TENM2: variants seen among roughly 807,000 people sequenced by gnomAD.
The protein encoded by TENM2 is teneurin-2.
In TENM2, 52 loss-of-function variants were observed where a neutral mutation model predicts 245.2. That is an observed-to-expected ratio of 0.21 (90% CI 0.17 to 0.27). The LOEUF (loss-of-function observed/expected upper bound fraction) is 0.27. Among genes scored for constraint, TENM2 ranks in the 10% least tolerant of loss-of-function variants. The probability of loss-of-function intolerance (pLI) is 1.00; values close to 1 mark genes in which losing one functional copy is unlikely to be tolerated. For synonymous variants in TENM2, 1,363 were observed against 1,438.9 expected (o/e 0.95, Z 1.19); for missense variants, 3,046 against 3,666.8 (o/e 0.83, Z 4.37).
chr5:167,661,314 C>T (rs917533794), intron 2 of TENM2, among the ~76,000 whole-genome samples: 1 of 152,140 alleles, frequency 6.6e-6, no homozygotes, highest in African/African-American at 2.4e-5. Context: ...AGCTTCCTAT[C>T]TTGGAACGTG....
At chr5:167,550,189 T>C (rs1198641230) in intron 2 of TENM2, among the ~76,000 whole-genome samples, 1 of 152,242 alleles carries the variant, frequency 6.6e-6, no homozygotes, top group Non-Finnish European at 1.5e-5. Flanking sequence ...TTAATTTCTG[T>C]GTAATGGGTT....
the TENM2 span, among the ~76,000 whole-genome samples, chr5:167,257,155 A>G: frequency 2.6e-5 from 4 of 152,148 alleles, no homozygotes; most frequent in African/African-American, 7.2e-5. Context: ...CACTATATCA[A>G]TAAATTAGGT....
intron 2 of TENM2, among the ~76,000 whole-genome samples, chr5:167,620,771 G>A (rs893057485): frequency 1.3e-5 from 2 of 151,768 alleles, no homozygotes; most frequent in Non-Finnish European, 2.9e-5. Context: ...TTTTGAAAGA[G>A]GTTTAGAGCT....
intron 2 of TENM2, among the ~76,000 whole-genome samples, chr5:167,772,943 G>T (rs1763499739): frequency 6.6e-6 from 1 of 152,042 alleles, no homozygotes; most frequent in Non-Finnish European, 1.5e-5. Flanking sequence ...TCCAGAAATG[G>T]CTCAACCAAA....
At position 168,090,432 on chromosome 5, in the gene TENM2, T is replaced by C. The variant is rs1581266923; in HGVS notation, c.1516-142T>C. 7.2e-5 allele frequency: 43 copies of C among 593,104 alleles called. No homozygotes were observed. The East Asian group carries it at 1.2e-3, about 17-fold the overall frequency. 36.7% of individuals were successfully genotyped at this position (593,104 alleles called of 1,614,324 possible). On this transcript the variant is annotated intron_variant, in intron 7 of 28. Transcript: ENST00000518659. ...TTATTGTTACACATTTTGCGGCTCT[T>C]GTTTTCCTGGATAAGTTCATAGCAA...
the TENM2 span, among the ~76,000 whole-genome samples, chr5:167,027,087 G>T: frequency 6.6e-6 from 1 of 152,064 alleles, no homozygotes; most frequent in Non-Finnish European, 1.5e-5. Context: ...ACTCTTCAAG[G>T]ACTTATGGAA....
chr5:168,226,256 G>A, exon 24 of TENM2: 2 of 1,612,406 alleles, frequency 1.2e-6, no homozygotes, highest in Non-Finnish European at 1.7e-6. Context: ...CCTACACAGT[G>A]GTACAAGGTG....
chr5:167,391,266 T>G (rs1390052097), intron 2 of TENM2, among the ~76,000 whole-genome samples: 1 of 152,140 alleles, frequency 6.6e-6, no homozygotes, highest in African/African-American at 2.4e-5. Flanking sequence ...TGATTTGAGA[T>G]GAATTTTGGA....
intron 2 of TENM2, among the ~76,000 whole-genome samples, chr5:167,464,168 C>A (rs1766500634): frequency 1.3e-5 from 2 of 152,132 alleles, no homozygotes; most frequent in African/African-American, 4.8e-5. Flanking sequence ...TCTTAGGAGA[C>A]TTGCTGCCTA....
At chr5:166,982,832 G>A in the TENM2 span, among the ~76,000 whole-genome samples, 1 of 151,766 alleles carries the variant, frequency 6.6e-6, no homozygotes, top group Non-Finnish European at 1.5e-5. Context: ...ATTCTCAGTA[G>A]TAGGGGACAT....
At chr5:167,552,562 A>T (rs1340863432) in intron 2 of TENM2, among the ~76,000 whole-genome samples, 2 of 152,148 alleles carry the variant, frequency 1.3e-5, no homozygotes, top group Non-Finnish European at 2.9e-5. Context: ...TTATGTTAGC[A>T]TTGTGCAGAC....
At chr5:167,580,324 G>T (rs1490360138) in intron 2 of TENM2, among the ~76,000 whole-genome samples, 1 of 152,120 alleles carries the variant, frequency 6.6e-6, no homozygotes, top group Admixed American at 6.5e-5. Context: ...CACTAAAGTC[G>T]ACTGGATAAA....
At chr5:167,536,339 C>A (rs1309407577) in intron 2 of TENM2, among the ~76,000 whole-genome samples, 3 of 151,918 alleles carry the variant, frequency 2.0e-5, no homozygotes, top group Non-Finnish European at 4.4e-5. Context: ...AAGTAAAATG[C>A]CTTGAAGGCA....
the TENM2 span, among the ~76,000 whole-genome samples, chr5:167,265,643 G>GA: frequency 6.6e-6 from 1 of 152,096 alleles, no homozygotes; most frequent in Non-Finnish European, 1.5e-5. Flanking sequence ...CTAGGGACTG[G>GA]AAAATTGTAC....
At chr5:167,824,842 C>T (rs1316210745) in intron 2 of TENM2, among the ~76,000 whole-genome samples, 2 of 152,200 alleles carry the variant, frequency 1.3e-5, no homozygotes, top group African/African-American at 4.8e-5. Context: ...TCAAAAAATG[C>T]TGGCTACCCC....
chr5:168,191,867 T>C (rs1194865792), intron 14 of TENM2, among the ~76,000 whole-genome samples: 1 of 152,130 alleles, frequency 6.6e-6, no homozygotes. Context: ...CAGCTGATTC[T>C]ACAGCCTCTT....
At position 167,737,347 on chromosome 5, in the gene TENM2, C is replaced by T. The variant is rs539783774; in HGVS notation, c.503-138639C>T. On this transcript the variant is annotated intron_variant, in intron 2 of 28. Coordinates refer to ENST00000518659, the Ensembl canonical transcript of TENM2. ...TCAGAACATGCCTGTCACAGAGCGC[C>T]GGCGGCTACCAAGCAGTGCCTGCTC... Among the ~76,000 whole-genome samples the T allele has an allele frequency of 7.2e-5, 11 of 152,272 alleles. No homozygotes were observed. The South Asian group carries it at 2.1e-3, about 29-fold the overall frequency.
intron 2 of TENM2, among the ~76,000 whole-genome samples, chr5:167,397,522 A>G (rs1762123303): frequency 6.6e-6 from 1 of 152,150 alleles, no homozygotes; most frequent in African/African-American, 2.4e-5. Flanking sequence ...CCATGATTCA[A>G]TATAAAACTG....
chr5:167,011,858 TC>T, the TENM2 span, among the ~76,000 whole-genome samples: 1 of 152,234 alleles, frequency 6.6e-6, no homozygotes, highest in Non-Finnish European at 1.5e-5. Flanking sequence ...ATTAAATTAC[TC>T]TGTCTTAGTT....
Sources: gnomAD v4.1 joint callset for allele counts (sites outside exome capture counted in the v4.1 genomes callset) on GRCh38, gnomAD v4.1.1 for gene constraint, MANE v1.5 for transcripts, NCBI Gene and HGNC (gene_info 2026-07-23, HGNC 2026-07-21) for gene names.